SLC14A1: variants seen among roughly 807,000 people sequenced by gnomAD.
SLC14A1 encodes urea transporter 1.
In SLC14A1, 36 loss-of-function variants were observed where a neutral mutation model predicts 39.6. The observed-to-expected ratio is 0.91, with a 90% CI of 0.70 to 1.20. The LOEUF is 1.20. SLC14A1 is among the 50% of genes most tolerant of loss of function. The pLI, the probability that SLC14A1 is intolerant of heterozygous loss-of-function variation, is 0.00. For missense variants in SLC14A1, 469 were observed against 478.7 expected, an observed-to-expected ratio of 0.98 and a Z score of 0.19; for synonymous variants, 164 against 173.6, an observed-to-expected ratio of 0.94 and a Z score of 0.43.
chr18:45,739,387 A>G (rs1309353061), intron 7 of SLC14A1, 77 bp downstream of exon 7: 2 of 1,611,020 alleles, frequency 1.2e-6, no homozygotes, highest in Non-Finnish European at 1.7e-6. Flanking sequence ...TCTGTGCTCC[A>G]GATCTTCCTT....
At chr18:45,741,057 G>A (rs1163648489) in intron 8 of SLC14A1, 3 of 152,274 alleles carry the variant, frequency 2.0e-5, no homozygotes, top group African/African-American at 7.2e-5. Flanking sequence ...AGGGAATCTG[G>A]ACAGCAATGG....
intron 8 of SLC14A1, 134 bp downstream of exon 8, chr18:45,739,796 T>G: frequency 8.8e-7 from 1 of 1,132,738 alleles, no homozygotes; most frequent in Non-Finnish European, 1.3e-6. Flanking sequence ...TCTAAGTGTG[T>G]GAACAGGACA....
At chr18:45,747,170 G>A (rs766186128) in intron 8 of SLC14A1, 2 of 152,136 alleles carry the variant, frequency 1.3e-5, no homozygotes, top group South Asian at 2.1e-4. Flanking sequence ...GGTGAGCTCC[G>A]GTGGCCCAAG....
intron 2 of SLC14A1, chr18:45,730,037 ATGTT>A (rs1416514585): frequency 1.7e-5 from 6 of 359,802 alleles, no homozygotes; most frequent in Non-Finnish European, 2.5e-5. Flanking sequence ...CGCTTAGTAA[ATGTT>A]TGTTGGACCA....
At chr18:45,741,237 T>C (rs963295469) in intron 8 of SLC14A1, 1 of 152,170 alleles carries the variant, frequency 6.6e-6, no homozygotes, top group Admixed American at 6.5e-5. Flanking sequence ...GGATTTTGAG[T>C]GGAGGCTCAT....
At chr18:45,725,569 G>A (rs1262247549) in intron 2 of SLC14A1, among the ~76,000 whole-genome samples, 1 of 152,166 alleles carries the variant, frequency 6.6e-6, no homozygotes, top group African/African-American at 2.4e-5. Context: ...GATAGTCTGT[G>A]CCCACCGCAT....
intron 9 of SLC14A1, among the ~76,000 whole-genome samples, 165 bp downstream of exon 9, chr18:45,748,590 T>A (rs1240830130): frequency 1.3e-5 from 2 of 152,142 alleles, no homozygotes; most frequent in African/African-American, 4.8e-5. Flanking sequence ...TCTTTCAGCA[T>A]CACAGCAAAC....
chr18:45,729,806 T>C (rs1278681062), intron 2 of SLC14A1: 1 of 152,282 alleles, frequency 6.6e-6, no homozygotes, highest in Non-Finnish European at 1.5e-5. Context: ...TTTTATAAAA[T>C]AAAAATGTAA....
Position 45,735,542 on chromosome 18 carries a change from T to A in SLC14A1, c.471-914T>A, listed in dbSNP as rs547405258. On this transcript the variant is annotated intron_variant, in intron 5 of 9. Transcript: ENST00000321925. ...CCTTTTTCTGGAAACAAAGATTTCC[T>A]TCTTTCTATATTGTAGTTAAATATA... Among the ~76,000 whole-genome samples, 6 of 152,370 alleles carry A rather than the reference T, an allele frequency of 3.9e-5. No individual in the cohort carries two copies. The East Asian group carries it at 1.2e-3, about 29-fold the overall frequency.
chr18:45,750,521 C>T lies in SLC14A1; in HGVS notation c.*570C>T, dbSNP rs1269196856. ...TGCAAACAATGGCCTGCACCCTATC[C>T]CTTGTGTGTGTGACATTCTCTCATG... On this transcript the variant is annotated 3_prime_UTR_variant, in exon 10 of 10. Transcript: ENST00000321925. 1 of 997,026 alleles carries T rather than the reference C, an allele frequency of 1.0e-6. No homozygotes were observed. The highest frequency in any genetic ancestry group is 1.1e-4 in the East Asian group (1 of 9,482). 61.8% of individuals were successfully genotyped at this position (997,026 alleles called of 1,614,324 possible). A position where few individuals can be genotyped will look rare whatever the true frequency, so the allele number is the denominator to read the frequency against.
At chr18:45,746,671 G>T (rs1196688150) in intron 8 of SLC14A1, among the ~76,000 whole-genome samples, 1 of 152,198 alleles carries the variant, frequency 6.6e-6, no homozygotes, top group Non-Finnish European at 1.5e-5. Context: ...AATGAAATTG[G>T]TGTAACCAAG....
At chr18:45,743,927 GT>G (rs2047467018) in intron 8 of SLC14A1, among the ~76,000 whole-genome samples, 1 of 151,618 alleles carries the variant, frequency 6.6e-6, no homozygotes, top group South Asian at 2.1e-4. Flanking sequence ...GTAAGTATAA[GT>G]TTTTGTTTTG....
intron 5 of SLC14A1, 116 bp downstream of exon 5, chr18:45,734,518 GA>G: frequency 9.4e-7 from 1 of 1,065,192 alleles, no homozygotes. Context: ...TATGTTCTCT[GA>G]ATGTATAGTG....
chr18:45,732,155 T>C (rs28994294), intron 4 of SLC14A1, among the ~76,000 whole-genome samples: 1,545 of 152,366 alleles, frequency 0.01, 29 homozygotes, highest in African/African-American at 0.036. Context: ...TGAAACATGA[T>C]CAACTCATTT....
chr18:45,747,612 G>A (rs957247990), intron 8 of SLC14A1, among the ~76,000 whole-genome samples: 11 of 152,046 alleles, frequency 7.2e-5, no homozygotes, highest in Admixed American at 5.2e-4. Context: ...GGAGAATGGC[G>A]TGAACCCAGG....
In SLC14A1 at chr18:45,727,645, T is replaced by C. The variant is rs561862219; in HGVS notation, c.-22+2632T>C. Among the ~76,000 whole-genome samples, 32 of 152,356 alleles carry C rather than the reference T, an allele frequency of 2.1e-4. No homozygotes were observed. In the East Asian group the frequency reaches 6.2e-3, roughly 29 times the overall value. On this transcript the variant is annotated intron_variant, in intron 2 of 9. Transcript: ENST00000321925. ...ATGGAAAAGCTGGGGATAAGTCACCTGGGGTTTTACGTTTACCCTGTGTCT... is the reference window on the plus strand; with the variant it reads ...ATGGAAAAGCTGGGGATAAGTCACCCGGGGTTTTACGTTTACCCTGTGTCT...
chr18:45,748,538 T>G, intron 9 of SLC14A1, 113 bp downstream of exon 9: 1 of 1,029,994 alleles, frequency 9.7e-7, no homozygotes, highest in South Asian at 1.3e-5. Flanking sequence ...TCCATGACCA[T>G]GAGAAGCACT....
chr18:45,734,435 T>G (rs74597469), intron 5 of SLC14A1, 33 bp downstream of exon 5: 1 of 1,509,808 alleles, frequency 6.6e-7, no homozygotes, highest in Non-Finnish European at 9.0e-7. Context: ...AATGCCTTTT[T>G]GAAAAAAAAA....
intron 8 of SLC14A1, among the ~76,000 whole-genome samples, chr18:45,744,872 G>C (rs985090866): frequency 2.0e-5 from 3 of 152,134 alleles, no homozygotes; most frequent in Non-Finnish European, 4.4e-5. Flanking sequence ...CAGTTCAGCT[G>C]ATTGGCCCGA....
Sources: allele counts gnomAD v4.1 joint callset (sites outside exome capture counted in the v4.1 genomes callset), GRCh38; gene constraint gnomAD v4.1.1; transcripts MANE v1.5; gene names NCBI Gene and HGNC (gene_info 2026-07-23, HGNC 2026-07-21).